Variants in DMXL1 observed in about 807,000 individuals in gnomAD.
DMXL1 encodes dmX-like protein 1.
Under a neutral mutation model 319.2 loss-of-function variants are expected in DMXL1, and 99 were observed. That is an observed-to-expected ratio of 0.31 (90% CI 0.26 to 0.37). The LOEUF (loss-of-function observed/expected upper bound fraction) is 0.37, where lower values mean the gene tolerates loss of function less well. Among genes scored for constraint, DMXL1 ranks in the 10% least tolerant of loss-of-function variants. DMXL1 has a pLI of 1.00. For synonymous variants in DMXL1, 1,385 were observed against 1,235.2 expected (o/e 1.12, Z -2.54); for missense variants, 3,745 against 3,595.6 (o/e 1.04, Z -1.06).
intron 2 of DMXL1, chr5:119,100,619 C>A (rs1031591019): frequency 6.6e-6 from 1 of 151,882 alleles, no homozygotes; most frequent in Non-Finnish European, 1.5e-5. Context: ...AAATTGTTCA[C>A]CTTGGTGTGA....
At chr5:119,096,688 GAC>G (rs1756049346) in intron 1 of DMXL1, among the ~76,000 whole-genome samples, 1 of 152,164 alleles carries the variant, frequency 6.6e-6, no homozygotes. Flanking sequence ...TAGGGAAAAG[GAC>G]ACACAAAAGA....
intron 10 of DMXL1, among the ~76,000 whole-genome samples, chr5:119,131,140 T>G (rs982490270): frequency 1.4e-5 from 2 of 143,694 alleles, no homozygotes; most frequent in African/African-American, 5.0e-5. Context: ...ACCCTTTATC[T>G]AATTTCCTGC....
At chr5:119,203,907 G>T (rs1311640330) in intron 33 of DMXL1, among the ~76,000 whole-genome samples, 1 of 151,920 alleles carries the variant, frequency 6.6e-6, no homozygotes, top group Non-Finnish European at 1.5e-5. Flanking sequence ...TGCAAGCTCC[G>T]CACCTCCCAG....
intron 9 of DMXL1, among the ~76,000 whole-genome samples, chr5:119,124,780 G>C (rs928635247): frequency 3.9e-5 from 6 of 151,956 alleles, no homozygotes; most frequent in African/African-American, 1.5e-4. Context: ...TGGCCAGGCT[G>C]GTCTCGAGCT....
At chr5:119,072,300 G>A (rs980041643) in intron 1 of DMXL1, among the ~76,000 whole-genome samples, 3 of 152,156 alleles carry the variant, frequency 2.0e-5, no homozygotes, top group Admixed American at 1.3e-4. Flanking sequence ...TTGACAAGAA[G>A]AGGGCACCAA....
In DMXL1 at chr5:119,171,094, A is replaced by G. The variant is rs377731160; in HGVS notation, c.6303A>G (p.Glu2101=). Residue 2101 remains glutamate (E), a synonymous_variant, in exon 24 of 44, where the codon GAA becomes GAG. Transcript: ENST00000539542. ...EDEFGLNEDA[E]DLPHQTKVKQ... is the part of the protein sequence containing the mutation. ...AATTTGGATTAAATGAGGATGCTGA[A>G]GATTTGCCTCACCAAACAAAAGTGA... 11 of 1,613,802 alleles carry G rather than the reference A, an allele frequency of 6.8e-6. No homozygotes were observed. The highest frequency in any genetic ancestry group is 9.3e-6 in the Non-Finnish European group (11 of 1,179,878).
chr5:119,191,901 A>G (rs985463297), intron 29 of DMXL1, among the ~76,000 whole-genome samples: 3 of 152,232 alleles, frequency 2.0e-5, no homozygotes, highest in Non-Finnish European at 4.4e-5. Flanking sequence ...ATTTTTAAAA[A>G]TAAATACTTC....
chr5:119,148,698 A>G, intron 17 of DMXL1, 41 bp from the exon 18 acceptor site: 1 of 1,566,020 alleles, frequency 6.4e-7, no homozygotes, highest in Non-Finnish European at 8.6e-7. Flanking sequence ...GAAGTATTTA[A>G]CCAAATTTGA....
At chr5:119,207,261 C>A (rs544958201) in intron 34 of DMXL1, among the ~76,000 whole-genome samples, 15 of 151,528 alleles carry the variant, frequency 9.9e-5, no homozygotes, top group African/African-American at 3.6e-4. Flanking sequence ...ATTAATGATA[C>A]TAAAATTAGG....
intron 31 of DMXL1, 59 bp downstream of exon 31, chr5:119,196,515 G>GGT: frequency 3.6e-6 from 2 of 559,966 alleles, no homozygotes; most frequent in African/African-American, 5.3e-5. Context: ...CTACTCTGTT[G>GGT]TTTTTTTTTT....
intron 12 of DMXL1, 41 bp from the exon 13 acceptor site, chr5:119,134,227 C>T (rs917345963): frequency 6.2e-7 from 1 of 1,604,830 alleles, no homozygotes; most frequent in Non-Finnish European, 8.5e-7. Context: ...CTGACATTAT[C>T]ATCAAAGGGT....
chr5:119,098,124 T>TA lies in DMXL1; in HGVS notation c.213+21dup, dbSNP rs1756399800. 3 of 1,593,862 alleles carry TA rather than the reference T, an allele frequency of 1.9e-6. No individual in the cohort carries two copies. The East Asian group carries it at 6.8e-5, about 36-fold the overall frequency. On this transcript the variant is annotated intron_variant, in intron 2 of 43. Coordinates refer to ENST00000539542, the MANE Select transcript of DMXL1 (RefSeq NM_001290321.3). ...GGCAAGGTTTGTAATCTTCTTCTAA[T>TA]ATACAAATTTGTTTGGAATATGGTT...
intron 37 of DMXL1, 42 bp from the exon 38 acceptor site, chr5:119,224,667 C>A: frequency 1.4e-6 from 1 of 730,814 alleles, no homozygotes. Flanking sequence ...AATGTTTAAT[C>A]CTTTTTATTA....
intron 10 of DMXL1, among the ~76,000 whole-genome samples, chr5:119,132,477 A>C (rs1765130850): frequency 6.6e-6 from 1 of 152,092 alleles, no homozygotes; most frequent in Non-Finnish European, 1.5e-5. Flanking sequence ...TCAGGAGTTC[A>C]AGACCAGCTT....
In DMXL1 at chr5:119,123,169, G is replaced by A. The variant is rs577475925; in HGVS notation, c.1102+2030G>A. ...AATACGAAAACCAGTCAGGCGTAGC[G>A]GCGCGCGCCTGCAATCGCAGGCACT... On this transcript the variant is annotated intron_variant, in intron 9 of 43. Coordinates refer to ENST00000539542, the MANE Select transcript of DMXL1 (RefSeq NM_001290321.3). 3.0e-3 allele frequency among the ~76,000 whole-genome samples: 455 copies of A among 152,034 alleles called. 3 individuals are homozygous for A. Among genetic ancestry groups the A allele is most frequent in the African/African-American group, 9.3e-3 (385 of 41,452 alleles).
In DMXL1 at chr5:119,150,228, G is replaced by C. The variant is rs540532582; in HGVS notation, c.4401G>C (p.Lys1467Asn). The C allele has an allele frequency of 6.2e-7, 1 of 1,613,728 alleles. No individual in the cohort carries two copies. The highest frequency in any genetic ancestry group is 2.2e-5 in the East Asian group (1 of 44,856). The change falls in exon 18 of 44, where the codon AAG becomes AAC. Residue 1467 changes from lysine (K) to asparagine (N), a missense_variant. Around this residue, in one of 4 missense-constraint regions of DMXL1, gnomAD observed 2,096 missense variants for 1,985.4 expected, o/e 1.06. Transcript: ENST00000539542. ...TAGAGACAGATGAAGAAAATACAAA[G>C]CCTAGAGTTATTGACCTTTCACAGT... is the stretch of plus-strand genomic sequence containing the variant. ...HMLETDEENT[K>N]PRVIDLSQYS...
Position 119,247,332 on chromosome 5 carries a change from A to G in DMXL1, c.*113A>G. On this transcript the variant is annotated 3_prime_UTR_variant, in exon 44 of 44. Coordinates refer to ENST00000539542, the MANE Select transcript of DMXL1 (RefSeq NM_001290321.3). ...TTAGCTAATGCTTTCTTGTTTTTAT[A>G]TTTATTTTATGGAGCTTTGCCCTTG... The G allele has an allele frequency of 1.3e-6, 1 of 771,718 alleles. No homozygotes were observed. The highest frequency in any genetic ancestry group is 2.7e-5 in the East Asian group (1 of 36,582). 47.8% of individuals were successfully genotyped at this position (771,718 alleles called of 1,614,324 possible).
In DMXL1 at chr5:119,170,644, C is replaced by G; in HGVS notation, c.5853C>G (p.Asp1951Glu). 6.2e-7 allele frequency: 1 copy of G among 1,613,636 alleles called. No individual in the cohort carries two copies. Among genetic ancestry groups the G allele is most frequent in the Non-Finnish European group, 8.5e-7 (1 of 1,179,896 alleles). Reference protein sequence around the residue: ...EKQSNSTLSFDWSQPSVVFQD... With the variant: ...EKQSNSTLSFEWSQPSVVFQD... ...AATCAAACTCCACTCTTTCTTTTGA[C>G]TGGAGCCAACCAAGTGTTGTGTTTC... The change falls in exon 24 of 44, where the codon GAC (aspartate) becomes GAG (glutamate). Residue 1951 changes from aspartate to glutamate, a missense_variant. Asp to Glu is a conservative substitution (Grantham distance 45). Around this residue, in one of 4 missense-constraint regions of DMXL1, gnomAD observed 1,382 missense variants for 1,269.5 expected, o/e 1.09. Transcript: ENST00000539542.
chr5:119,092,949 G>C (rs1755117803), intron 1 of DMXL1, among the ~76,000 whole-genome samples: 1 of 152,158 alleles, frequency 6.6e-6, no homozygotes, highest in African/African-American at 2.4e-5. Flanking sequence ...AATAATGCTG[G>C]TATGAACATT....
Sources: allele counts gnomAD v4.1 joint callset (sites outside exome capture counted in the v4.1 genomes callset), GRCh38; gene constraint gnomAD v4.1.1; regional missense constraint gnomAD v4.1.1; transcripts MANE v1.5; gene names NCBI Gene and HGNC (gene_info 2026-07-23, HGNC 2026-07-21).